FHIT: variants seen among roughly 807,000 people sequenced by gnomAD.
The protein encoded by FHIT is fragile histidine triad diadenosine triphosphatase.
A neutral mutation model predicts 17.9 loss-of-function variants in FHIT; 19 were observed. The ratio of observed to expected loss-of-function variants is 1.06; its 90% confidence interval spans 0.74 to 1.56. The LOEUF (loss-of-function observed/expected upper bound fraction) is 1.56. Among genes scored for constraint, FHIT ranks in the 40% most tolerant of loss-of-function variants. The pLI is 0.00. For missense variants in FHIT, 248 were observed against 189.2 expected (o/e 1.31, Z -1.82); for synonymous variants, 81 against 69.7 (o/e 1.16, Z -0.81).
intron 8 of FHIT, among the ~76,000 whole-genome samples, chr3:59,865,063 T>G (rs11928015): frequency 6.6e-6 from 1 of 151,796 alleles, no homozygotes; most frequent in South Asian, 2.1e-4. Context: ...CTAGGTCAAA[T>G]AGATGGTTCC....
At chr3:60,337,003 A>C (rs1710275719) in intron 5 of FHIT, among the ~76,000 whole-genome samples, 1 of 152,138 alleles carries the variant, frequency 6.6e-6, no homozygotes, top group Admixed American at 6.6e-5. Context: ...ATTTATATAT[A>C]CTGGTTACGT....
intron 5 of FHIT, among the ~76,000 whole-genome samples, chr3:60,210,151 G>C (rs1195238750): frequency 1.3e-5 from 2 of 152,146 alleles, no homozygotes; most frequent in African/African-American, 4.8e-5. Flanking sequence ...ATAAACCCAA[G>C]TGAATGGAGA....
intron 8 of FHIT, among the ~76,000 whole-genome samples, chr3:59,765,673 GAA>G (rs1701757617): frequency 6.6e-6 from 1 of 152,152 alleles, no homozygotes; most frequent in Non-Finnish European, 1.5e-5. Flanking sequence ...AACCTCTTTT[GAA>G]AACAGTTTAG....
intron 3 of FHIT, among the ~76,000 whole-genome samples, chr3:60,893,736 AC>A (rs1705636723): frequency 6.6e-6 from 1 of 152,162 alleles, no homozygotes; most frequent in Non-Finnish European, 1.5e-5. Context: ...TCCAGGGCTG[AC>A]CCTTTCATGT....
chr3:60,122,650 G>GA (rs2107226718), intron 5 of FHIT, among the ~76,000 whole-genome samples: 1 of 152,198 alleles, frequency 6.6e-6, no homozygotes, highest in Admixed American at 6.5e-5. Context: ...GAGCCTCAGA[G>GA]AAAAAAGTAT....
chr3:60,149,820 T>C (rs1700385909), intron 5 of FHIT, among the ~76,000 whole-genome samples: 2 of 148,858 alleles, frequency 1.3e-5, no homozygotes, highest in South Asian at 2.2e-4. Flanking sequence ...TGCTGTGGGA[T>C]AGACACATGA....
intron 8 of FHIT, among the ~76,000 whole-genome samples, chr3:59,873,576 C>A (rs112307935): frequency 2.0e-5 from 3 of 152,176 alleles, no homozygotes; most frequent in Non-Finnish European, 4.4e-5. Context: ...TTGAGCCAGA[C>A]AATTCTTTAT....
chr3:61,177,397 G>A (rs1576156550), intron 2 of FHIT, among the ~76,000 whole-genome samples: 1 of 151,944 alleles, frequency 6.6e-6, no homozygotes, highest in African/African-American at 2.4e-5. Context: ...TCTCCACTGC[G>A]CAAGTTTTCA....
chr3:60,714,267 A>G (rs1311791814), intron 4 of FHIT, among the ~76,000 whole-genome samples: 1 of 152,184 alleles, frequency 6.6e-6, no homozygotes, highest in Admixed American at 6.5e-5. Flanking sequence ...TAAATCAGGT[A>G]TTGATGGGAC....
chr3:60,426,294 C>T (rs892582445), intron 5 of FHIT, among the ~76,000 whole-genome samples: 16 of 151,970 alleles, frequency 1.1e-4, no homozygotes, highest in Non-Finnish European at 1.9e-4. Flanking sequence ...ATTAAATGGG[C>T]AAAATACAAT....
At chr3:59,821,816 C>G (rs1304765854) in intron 8 of FHIT, among the ~76,000 whole-genome samples, 1 of 151,266 alleles carries the variant, frequency 6.6e-6, no homozygotes, top group African/African-American at 2.4e-5. Context: ...TTTTTATTTC[C>G]ATAGGTTTTT....
intron 7 of FHIT, among the ~76,000 whole-genome samples, chr3:59,951,390 C>T (rs777554138): frequency 6.6e-6 from 1 of 152,230 alleles, no homozygotes; most frequent in African/African-American, 2.4e-5. Context: ...TGACAACTTT[C>T]ATGGCCACGG....
chr3:59,778,230 T>C (rs1480597640), intron 8 of FHIT, among the ~76,000 whole-genome samples: 2 of 152,180 alleles, frequency 1.3e-5, no homozygotes, highest in African/African-American at 2.4e-5. Context: ...GGAGGTAAGA[T>C]TGAAGACAGA....
At chr3:60,783,349 T>G (rs950282840) in intron 4 of FHIT, among the ~76,000 whole-genome samples, 1 of 152,170 alleles carries the variant, frequency 6.6e-6, no homozygotes, top group South Asian at 2.1e-4. Context: ...TTAATGGAAG[T>G]TTAACATAGC....
intron 8 of FHIT, among the ~76,000 whole-genome samples, chr3:59,808,065 C>A (rs535616322): frequency 6.6e-6 from 1 of 151,916 alleles, no homozygotes; most frequent in African/African-American, 2.4e-5. Context: ...AACCCTGCAC[C>A]CATTAAGTGG....
chr3:60,273,374 C>T (rs213345), intron 5 of FHIT, among the ~76,000 whole-genome samples: 128,416 of 151,156 alleles, frequency 0.85, 54,675 homozygotes, highest in East Asian at 0.99. Flanking sequence ...TTTGGGAGGC[C>T]GAGGCGGGTG....
chr3:60,491,660 T>A (rs1288235727), intron 5 of FHIT, among the ~76,000 whole-genome samples: 1 of 152,240 alleles, frequency 6.6e-6, no homozygotes, highest in African/African-American at 2.4e-5. Flanking sequence ...CATCTACAGC[T>A]GGAGTGCTTT....
intron 1 of FHIT, among the ~76,000 whole-genome samples, chr3:61,237,537 AT>A (rs2040262697): frequency 6.6e-6 from 1 of 152,224 alleles, no homozygotes; most frequent in African/African-American, 2.4e-5. Flanking sequence ...ACTTCACCAA[AT>A]AACATAGTAC....
chr3:60,931,759 A>C (rs1227238572), intron 3 of FHIT, among the ~76,000 whole-genome samples: 1 of 152,200 alleles, frequency 6.6e-6, no homozygotes, highest in Non-Finnish European at 1.5e-5. Context: ...ATTTTATTAA[A>C]CTGTTCAATT....
Sources: gnomAD v4.1 joint callset for allele counts (sites outside exome capture counted in the v4.1 genomes callset) on GRCh38, gnomAD v4.1.1 for gene constraint, MANE v1.5 for transcripts, NCBI Gene and HGNC (gene_info 2026-07-23, HGNC 2026-07-21) for gene names.